DLGAP2: variants seen among roughly 807,000 people sequenced by gnomAD.
DLGAP2 encodes the protein DLG associated protein 2.
Under a neutral mutation model 100.3 loss-of-function variants are expected in DLGAP2, and 26 were observed. The observed-to-expected ratio is 0.26, with a 90% CI of 0.19 to 0.36. DLGAP2 has a LOEUF of 0.36. Ranked by LOEUF, DLGAP2 falls within the 10% of genes least tolerant of loss-of-function variation. The probability of loss-of-function intolerance (pLI) is 1.00; values close to 1 mark genes in which losing one functional copy is unlikely to be tolerated. For missense variants in DLGAP2, 1,858 were observed against 1,453.2 expected (o/e 1.28, Z -4.53); for synonymous variants, 886 against 630.1 (o/e 1.41, Z -6.08).
intron 1 of DLGAP2, among the ~76,000 whole-genome samples, chr8:862,945 G>A (rs1167154240): frequency 6.6e-6 from 1 of 152,198 alleles, no homozygotes; most frequent in Non-Finnish European, 1.5e-5. Context: ...CTGCCACAGA[G>A]GATATGGGTT....
At chr8:1,287,504 TAGG>T (rs1158673534) in intron 3 of DLGAP2, among the ~76,000 whole-genome samples, 2 of 38,894 alleles carry the variant, frequency 5.1e-5, no homozygotes, top group Non-Finnish European at 8.8e-5. Context: ...GTGGTTCTGT[TAGG>T]AGGGGAACTA....
At chr8:1,010,807 G>T (rs538940157) in intron 2 of DLGAP2, among the ~76,000 whole-genome samples, 1 of 152,190 alleles carries the variant, frequency 6.6e-6, no homozygotes, top group African/African-American at 2.4e-5. Context: ...AAACACCTCA[G>T]AGATCTAAAC....
chr8:1,082,334 T>C (rs1332188723), intron 2 of DLGAP2, among the ~76,000 whole-genome samples: 1 of 152,220 alleles, frequency 6.6e-6, no homozygotes, highest in African/African-American at 2.4e-5. Context: ...TTTACCCCGT[T>C]GAGTCTTCCC....
chr8:1,103,428 G>GC (rs1804652596), intron 2 of DLGAP2, among the ~76,000 whole-genome samples: 2 of 151,198 alleles, frequency 1.3e-5, no homozygotes, highest in Non-Finnish European at 3.0e-5. Flanking sequence ...GACTGGCAGG[G>GC]CTTTGGTTAA....
At chr8:990,292 T>C (rs923796811) in intron 2 of DLGAP2, among the ~76,000 whole-genome samples, 1 of 151,926 alleles carries the variant, frequency 6.6e-6, no homozygotes, top group Non-Finnish European at 1.5e-5. Flanking sequence ...TTCTGAAGTT[T>C]TCTATGAAAG....
chr8:839,182 T>A (rs1796936412), intron 1 of DLGAP2, among the ~76,000 whole-genome samples: 1 of 151,884 alleles, frequency 6.6e-6, no homozygotes, highest in South Asian at 2.1e-4. Context: ...TGCAGGTTCC[T>A]AAAAAAAATA....
chr8:902,156 G>A (rs1798265177), intron 1 of DLGAP2, among the ~76,000 whole-genome samples: 1 of 152,236 alleles, frequency 6.6e-6, no homozygotes, highest in Non-Finnish European at 1.5e-5. Context: ...TGGGGACAGT[G>A]CCCAGGCACA....
intron 2 of DLGAP2, among the ~76,000 whole-genome samples, chr8:1,121,114 C>T (rs894288616): frequency 4.6e-5 from 7 of 151,990 alleles, no homozygotes; most frequent in Non-Finnish European, 1.0e-4. Flanking sequence ...CTTCAGACCC[C>T]ATGACCTCCC....
intron 3 of DLGAP2, among the ~76,000 whole-genome samples, chr8:1,294,794 C>G (rs1206872385): frequency 6.6e-6 from 1 of 150,938 alleles, no homozygotes; most frequent in African/African-American, 2.4e-5. Flanking sequence ...GCTTGAGCCT[C>G]GGAGGTGCAG....
intron 1 of DLGAP2, among the ~76,000 whole-genome samples, chr8:820,940 C>T (rs184644210): frequency 1.1e-3 from 163 of 152,228 alleles, no homozygotes; most frequent in Non-Finnish European, 2.0e-3. Flanking sequence ...TCTTGAAGAG[C>T]AGAATGTGAA....
intron 1 of DLGAP2, among the ~76,000 whole-genome samples, chr8:835,828 C>A (rs941776666): frequency 3.9e-5 from 6 of 152,186 alleles, no homozygotes; most frequent in African/African-American, 1.4e-4. Flanking sequence ...ACCAGCCGGT[C>A]TGTGGCACGT....
intron 4 of DLGAP2, among the ~76,000 whole-genome samples, chr8:1,533,404 G>T (rs1181769714): frequency 6.6e-6 from 1 of 151,964 alleles, no homozygotes; most frequent in African/African-American, 2.4e-5. Context: ...TACTCGGCAG[G>T]CTGAGGCAGG....
intron 4 of DLGAP2, among the ~76,000 whole-genome samples, chr8:1,522,434 C>T (rs1459022560): frequency 1.3e-5 from 2 of 152,224 alleles, no homozygotes; most frequent in Non-Finnish European, 2.9e-5. Flanking sequence ...CCTCCTTTTG[C>T]TCAGAGCACG....
intron 2 of DLGAP2, among the ~76,000 whole-genome samples, chr8:1,159,852 G>A (rs1249922272): frequency 6.6e-6 from 1 of 152,140 alleles, no homozygotes; most frequent in African/African-American, 2.4e-5. Context: ...CCCCCGCAGG[G>A]GTGTCTGTCT....
chr8:1,191,579 A>C (rs910072624), intron 2 of DLGAP2, among the ~76,000 whole-genome samples: 1 of 152,194 alleles, frequency 6.6e-6, no homozygotes. Context: ...CGCCCTCTGC[A>C]CTTCTTACAT....
intron 3 of DLGAP2, among the ~76,000 whole-genome samples, chr8:1,350,581 GT>G (rs753271702): frequency 0.021 from 872 of 41,304 alleles, 195 homozygotes; most frequent in Non-Finnish European, 0.035. Context: ...GGCCGCGCGG[GT>G]CCTGACTGTG....
intron 2 of DLGAP2, chr8:1,137,404 C>G (rs1238906778): frequency 6.6e-6 from 1 of 152,666 alleles, no homozygotes; most frequent in Non-Finnish European, 1.5e-5. Flanking sequence ...CTGCCCCGAG[C>G]TGATGTCCCG....
chr8:1,115,764 G>T (rs1370365484), intron 2 of DLGAP2, among the ~76,000 whole-genome samples: 1 of 152,186 alleles, frequency 6.6e-6, no homozygotes, highest in Non-Finnish European at 1.5e-5. Flanking sequence ...CACATCAGCG[G>T]TCAGCCACAC....
intron 3 of DLGAP2, among the ~76,000 whole-genome samples, chr8:1,268,930 G>C (rs771185649): frequency 1.3e-5 from 2 of 152,130 alleles, no homozygotes; most frequent in African/African-American, 4.8e-5. Flanking sequence ...CAGAGCCAAC[G>C]GCAGTGGAAC....
Sources: gnomAD v4.1 joint callset for allele counts (sites outside exome capture counted in the v4.1 genomes callset) on GRCh38, gnomAD v4.1.1 for gene constraint, MANE v1.5 for transcripts, NCBI Gene and HGNC (gene_info 2026-07-23, HGNC 2026-07-21) for gene names.